STK39: variants seen among roughly 807,000 people sequenced by gnomAD.
STK39 encodes serine/threonine kinase 39.
STK39 carries 20 observed loss-of-function variants against 77.8 expected under a neutral mutation model. The ratio of observed to expected loss-of-function variants is 0.26; its 90% CI spans 0.18 to 0.37. STK39 has a LOEUF of 0.37. STK39 is among the 10% of genes least tolerant of loss of function. The pLI is 1.00. For synonymous variants in STK39, 246 were observed against 234.1 expected (o/e 1.05, Z -0.47); for missense variants, 479 against 656.5 (o/e 0.73, Z 2.95).
At chr2:168,151,714 G>C (rs1271639269) in intron 5 of STK39, among the ~76,000 whole-genome samples, 1 of 149,138 alleles carries the variant, frequency 6.7e-6, no homozygotes, top group Non-Finnish European at 1.5e-5. Flanking sequence ...ACTCCAGCCT[G>C]GGCGACAGAG....
intron 14 of STK39, among the ~76,000 whole-genome samples, chr2:168,017,440 G>A (rs7597077): frequency 0.15 from 20,099 of 137,732 alleles, 3,126 homozygotes; most frequent in African/African-American, 0.39. Flanking sequence ...GCTGGAGTGC[G>A]ATGGTGTGAT....
chr2:168,173,856 C>T (rs1260066479), intron 2 of STK39, among the ~76,000 whole-genome samples: 2 of 152,172 alleles, frequency 1.3e-5, no homozygotes, highest in African/African-American at 4.8e-5. Context: ...GTCATGAATT[C>T]TTTTAATTGC....
At chr2:168,181,197 A>G (rs1351328941) in intron 2 of STK39, among the ~76,000 whole-genome samples, 4 of 152,200 alleles carry the variant, frequency 2.6e-5, no homozygotes, top group Admixed American at 6.5e-5. Flanking sequence ...GCAGTTTTCT[A>G]TTATCCTCAA....
At chr2:168,179,847 A>G (rs1689041064) in intron 2 of STK39, among the ~76,000 whole-genome samples, 1 of 152,158 alleles carries the variant, frequency 6.6e-6, no homozygotes, top group Non-Finnish European at 1.5e-5. Context: ...ATCACTGGAC[A>G]CTGTGGAGGA....
intron 5 of STK39, among the ~76,000 whole-genome samples, chr2:168,142,705 A>G (rs1330208525): frequency 6.6e-6 from 1 of 152,240 alleles, no homozygotes; most frequent in Non-Finnish European, 1.5e-5. Flanking sequence ...CAGAGCCTCC[A>G]CTTTGAACAC....
Position 168,018,538 on chromosome 2 carries a change from AAAAGAAAGAAAGAAAG to A in STK39, c.1377-1459_1377-1444del, listed in dbSNP as rs60121657. 3.6e-3 allele frequency among the ~76,000 whole-genome samples: 312 copies of A among 85,482 alleles called. 1 individual carries two copies. The highest frequency in any genetic ancestry group is 9.8e-3 in the South Asian group (23 of 2,340). 56.1% of individuals were successfully genotyped at this position (85,482 alleles called of 152,430 possible). A position where few individuals can be genotyped will look rare whatever the true frequency, so the allele number is the denominator to read the frequency against. On this transcript the variant is annotated intron_variant, in intron 14 of 17. Coordinates refer to ENST00000355999, the MANE Select transcript of STK39 (RefSeq NM_013233.3). ...AAGAAAGAAAAGAAAGAAAAGAAAG[AAAAGAAAGAAAGAAAG>A]AAAGAAAGAAAGAAAGAAAGAAAGA... is the stretch of plus-strand genomic sequence containing the variant.
chr2:168,023,647 T>G (rs1684627080), intron 14 of STK39, among the ~76,000 whole-genome samples: 1 of 152,254 alleles, frequency 6.6e-6, no homozygotes, highest in East Asian at 1.9e-4. Flanking sequence ...AGCAGCAGTA[T>G]GAGGGCACTC....
At chr2:168,092,107 A>C (rs1010513603) in intron 10 of STK39, among the ~76,000 whole-genome samples, 1 of 152,248 alleles carries the variant, frequency 6.6e-6, no homozygotes, top group Non-Finnish European at 1.5e-5. Flanking sequence ...TAGAGCCATC[A>C]TATCCACTTA....
chr2:168,190,377 T>C (rs577805052), intron 1 of STK39, among the ~76,000 whole-genome samples: 1 of 152,332 alleles, frequency 6.6e-6, no homozygotes, highest in African/African-American at 2.4e-5. Flanking sequence ...GTGGGGGATG[T>C]GGCAGTTAAC....
At chr2:168,109,207 G>A (rs1687058541) in intron 10 of STK39, among the ~76,000 whole-genome samples, 1 of 152,100 alleles carries the variant, frequency 6.6e-6, no homozygotes, top group South Asian at 2.1e-4. Flanking sequence ...ATTGCTACAT[G>A]GCACATACCC....
At chr2:168,233,880 T>C (rs1358616051) in intron 1 of STK39, among the ~76,000 whole-genome samples, 2 of 152,210 alleles carry the variant, frequency 1.3e-5, no homozygotes, top group Non-Finnish European at 2.9e-5. Flanking sequence ...TGGGTTTCAT[T>C]TGGACAGAAT....
At chr2:168,180,118 G>C (rs1267441026) in intron 2 of STK39, among the ~76,000 whole-genome samples, 1 of 152,156 alleles carries the variant, frequency 6.6e-6, no homozygotes, top group South Asian at 2.1e-4. Flanking sequence ...AGGCCGAGGC[G>C]GACAGATCAC....
At chr2:167,959,170 G>C (rs1224143542) in intron 17 of STK39, among the ~76,000 whole-genome samples, 1 of 152,016 alleles carries the variant, frequency 6.6e-6, no homozygotes, top group Non-Finnish European at 1.5e-5. Flanking sequence ...CCAGGCTGGA[G>C]TGCAGTGGTG....
At chr2:168,219,076 T>G (rs1690097535) in intron 1 of STK39, among the ~76,000 whole-genome samples, 1 of 152,162 alleles carries the variant, frequency 6.6e-6, no homozygotes, top group South Asian at 2.1e-4. Flanking sequence ...CTTGAAAGAT[T>G]CACATAATTT....
At chr2:167,970,852 C>T (rs989386551) in intron 16 of STK39, among the ~76,000 whole-genome samples, 10 of 152,158 alleles carry the variant, frequency 6.6e-5, no homozygotes, top group Admixed American at 2.6e-4. Context: ...TGTTTCTGTA[C>T]CTCACTTCTG....
chr2:168,000,497 T>C (rs1683972182), intron 16 of STK39, among the ~76,000 whole-genome samples: 1 of 152,230 alleles, frequency 6.6e-6, no homozygotes. Context: ...TCCTCTAACC[T>C]GTATTCTACC....
At chr2:168,002,222 A>G (rs2105298912) in intron 16 of STK39, among the ~76,000 whole-genome samples, 1 of 152,352 alleles carries the variant, frequency 6.6e-6, no homozygotes, top group East Asian at 1.9e-4. Context: ...AATACAAAGT[A>G]ACAAAGTTAA....
intron 15 of STK39, among the ~76,000 whole-genome samples, chr2:168,013,793 G>GGTGTGT (rs4000936): frequency 0.013 from 1,991 of 147,694 alleles, 36 homozygotes; most frequent in African/African-American, 0.043. Flanking sequence ...TAAGTGGGCT[G>GGTGTGT]GTGTGTGTGT....
At chr2:168,179,065 T>C (rs1412745985) in intron 2 of STK39, among the ~76,000 whole-genome samples, 4 of 146,152 alleles carry the variant, frequency 2.7e-5, no homozygotes, top group Admixed American at 2.7e-4. Flanking sequence ...ATAATTGTGA[T>C]TTCTATGACA....
Sources: allele counts gnomAD v4.1 joint callset (sites outside exome capture counted in the v4.1 genomes callset), GRCh38; gene constraint gnomAD v4.1.1; transcripts MANE v1.5; gene names NCBI Gene and HGNC (gene_info 2026-07-23, HGNC 2026-07-21).